The following SERPINB8 variants were observed in gnomAD, a reference collection of about 807,000 sequenced individuals.
SERPINB8 encodes serpin family B member 8, also known as serpin B8.
Under a neutral mutation model 35.3 loss-of-function variants are expected in SERPINB8, and 25 were observed. That is an observed-to-expected ratio of 0.71 (90% CI 0.52 to 0.99). The LOEUF (loss-of-function observed/expected upper bound fraction) is 0.99. Among genes scored for constraint, SERPINB8 ranks in the 50% least tolerant of loss-of-function variants. The pLI, the probability that SERPINB8 is intolerant of heterozygous loss-of-function variation, is 0.00. For missense variants in SERPINB8, 484 were observed against 446.5 expected (o/e 1.08, Z -0.76); for synonymous variants, 186 against 160.8 (o/e 1.16, Z -1.19).
At chr18:63,990,488 C>T (rs2050819032), downstream of SERPINB8, among the ~76,000 whole-genome samples, 2 of 148,210 alleles carry the variant, frequency 1.3e-5, no homozygotes, top group African/African-American at 2.5e-5. Context: ...ATTTTCATTT[C>T]TTTTTTTTTT....
chr18:63,995,121 C>T (rs528016650), intron 1 of SERPINB8, among the ~76,000 whole-genome samples: 1 of 152,146 alleles, frequency 6.6e-6, no homozygotes, highest in South Asian at 2.1e-4. Flanking sequence ...AGGCAGCTCA[C>T]GAGGGTTTGC....
chr18:64,001,500 T>C (rs184387907), intron 1 of SERPINB8, among the ~76,000 whole-genome samples: 6 of 151,478 alleles, frequency 4.0e-5, no homozygotes, highest in African/African-American at 7.3e-5. Flanking sequence ...TATTTATTTA[T>C]TTACTTAGAG....
At chr18:63,979,692 T>C in intron 2 of SERPINB8, 109 bp from the exon 3 acceptor site, 1 of 1,369,030 alleles carries the variant, frequency 7.3e-7, no homozygotes, top group Non-Finnish European at 1.0e-6. Context: ...CCAAACCTTT[T>C]TAAAGTAGGA....
At chr18:63,986,458 A>T (rs2050756016) in intron 6 of SERPINB8, 1 of 1,397,838 alleles carries the variant, frequency 7.2e-7, no homozygotes, top group Admixed American at 3.2e-5. Context: ...TAGTCCCCTC[A>T]TTAGACTCAG....
intron 4 of SERPINB8, among the ~76,000 whole-genome samples, chr18:63,983,234 C>T (rs2050699946): frequency 6.6e-6 from 1 of 152,172 alleles, no homozygotes; most frequent in Non-Finnish European, 1.5e-5. Flanking sequence ...TTGACTGCCC[C>T]ATAGTCAGAA....
downstream of SERPINB8, among the ~76,000 whole-genome samples, chr18:64,010,525 A>T (rs1257117687): frequency 6.6e-6 from 1 of 152,184 alleles, no homozygotes; most frequent in Non-Finnish European, 1.5e-5. Flanking sequence ...GTAGAATCAC[A>T]GTCATCATCT....
chr18:63,996,745 G>C (rs2050851574), intron 1 of SERPINB8, among the ~76,000 whole-genome samples: 1 of 152,236 alleles, frequency 6.6e-6, no homozygotes, highest in Non-Finnish European at 1.5e-5. Context: ...GAGACCCCAA[G>C]TGAATTTCCT....
In SERPINB8 at chr18:63,985,245, G is replaced by T. The variant is rs1466777981; in HGVS notation, c.720G>T (p.Val240=). Residue 240 remains valine (V), a splice_region_variant and synonymous_variant, in exon 6 of 7, where the codon GTG becomes GTT. Transcript: ENST00000397985. ...LLPDDNTDLA[V]VEKALTYEKF... is the part of the protein sequence containing the mutation. Reference sequence around the variant, plus strand: ...CCGATGACAACACGGACCTCGCCGTGGTAAGCTCCAGGCAATGAGCCTGAG... The same window carrying T: ...CCGATGACAACACGGACCTCGCCGTTGTAAGCTCCAGGCAATGAGCCTGAG... 3.1e-6 allele frequency: 5 copies of T among 1,613,982 alleles called. No individual in the cohort carries two copies. Among genetic ancestry groups the T allele is most frequent in the Non-Finnish European group, 4.2e-6 (5 of 1,179,978 alleles).
chr18:63,992,207 G>C (rs1042503585), downstream of SERPINB8, among the ~76,000 whole-genome samples: 2 of 152,064 alleles, frequency 1.3e-5, no homozygotes, highest in African/African-American at 4.8e-5. Flanking sequence ...TTGTATAATT[G>C]GTATTATTTC....
chr18:63,972,603 C>T (rs1468814922), intron 1 of SERPINB8, among the ~76,000 whole-genome samples: 1 of 152,132 alleles, frequency 6.6e-6, no homozygotes, highest in African/African-American at 2.4e-5. Flanking sequence ...TAGTCATTTA[C>T]ATTAGGTATT....
intron 1 of SERPINB8, among the ~76,000 whole-genome samples, chr18:63,974,792 C>G (rs1048960014): frequency 5.9e-5 from 9 of 152,124 alleles, no homozygotes; most frequent in African/African-American, 2.2e-4. Context: ...CATTCTGTTA[C>G]CTGGTTTTCT....
At chr18:64,010,733 A>G (rs758375491) in intron 7 of SERPINB8, among the ~76,000 whole-genome samples, 1 of 152,108 alleles carries the variant, frequency 6.6e-6, no homozygotes, top group Non-Finnish European at 1.5e-5. Context: ...AAATCCAGGA[A>G]TAGGTAAACT....
intron 1 of SERPINB8, among the ~76,000 whole-genome samples, chr18:63,995,010 T>G (rs1599162543): frequency 1.3e-5 from 2 of 152,264 alleles, no homozygotes; most frequent in African/African-American, 4.8e-5. Flanking sequence ...GGCAATGACA[T>G]TCCCAAATTG....
intron 1 of SERPINB8, among the ~76,000 whole-genome samples, chr18:63,977,930 T>C (rs7234924): frequency 0.31 from 47,100 of 152,024 alleles, 8,924 homozygotes; most frequent in African/African-American, 0.54. Context: ...CTTTTCTGGC[T>C]TCTCGAGGAG....
At chr18:64,016,679 T>C (rs1599174465) in intron 7 of SERPINB8, among the ~76,000 whole-genome samples, 1 of 152,078 alleles carries the variant, frequency 6.6e-6, no homozygotes, top group African/African-American at 2.4e-5. Flanking sequence ...TAAGCACAGG[T>C]CCTTAAACAT....
At chr18:63,999,889 G>A (rs944658628) in intron 1 of SERPINB8, among the ~76,000 whole-genome samples, 2 of 152,160 alleles carry the variant, frequency 1.3e-5, no homozygotes, top group Non-Finnish European at 2.9e-5. Context: ...TCATGTGTAT[G>A]CTCTGGGTGG....
chr18:63,975,615 T>C (rs934361519), intron 1 of SERPINB8, among the ~76,000 whole-genome samples: 1 of 152,034 alleles, frequency 6.6e-6, no homozygotes, highest in African/African-American at 2.4e-5. Context: ...TGTTTTTTTC[T>C]GAACTGCACT....
intron 5 of SERPINB8, among the ~76,000 whole-genome samples, chr18:63,984,440 A>T (rs1413321638): frequency 6.6e-6 from 1 of 152,230 alleles, no homozygotes; most frequent in Non-Finnish European, 1.5e-5. Context: ...CACAAGAAAA[A>T]AAAGTTAGCA....
rs1221380141 is a variant in SERPINB8, at chr18:63,987,197, T to C, written c.1044T>C (p.Cys348=). 4 of 1,614,196 alleles carry C rather than the reference T, an allele frequency of 2.5e-6. No individual in the cohort carries two copies. In the East Asian group the frequency reaches 8.9e-5, roughly 36 times the overall value. ...GCAGCAGAATGGAGCCAAGATTCTG[T>C]GCAGACCACCCTTTTCTTTTCTTCA... ...SRCSRMEPRF[C]ADHPFLFFIR... is the part of the protein sequence containing the mutation. Residue 348 remains cysteine (C), a synonymous_variant, in exon 7 of 7, where the codon TGT becomes TGC. Coordinates refer to ENST00000397985, the MANE Select transcript of SERPINB8 (RefSeq NM_002640.4).
Sources: allele counts gnomAD v4.1 joint callset (sites outside exome capture counted in the v4.1 genomes callset), GRCh38; gene constraint gnomAD v4.1.1; transcripts MANE v1.5; gene names NCBI Gene and HGNC (gene_info 2026-07-23, HGNC 2026-07-21).